The following TMPRSS15 variants were observed in gnomAD, a reference collection of about 807,000 sequenced individuals.
TMPRSS15 encodes the protein enteropeptidase.
TMPRSS15 carries 128 observed loss-of-function variants against 125.3 expected under a neutral mutation model. The ratio of observed to expected loss-of-function variants is 1.02; its 90% CI spans 0.89 to 1.18. The LOEUF (loss-of-function observed/expected upper bound fraction) is 1.18. TMPRSS15 is among the 50% of genes most tolerant of loss of function. The probability of loss-of-function intolerance (pLI) is 0.00; values close to 1 mark genes in which losing one functional copy is unlikely to be tolerated. For missense variants in TMPRSS15, 1,283 were observed against 1,212.7 expected (o/e 1.06, Z -0.86); for synonymous variants, 446 against 423.2 (o/e 1.05, Z -0.66).
chr21:18,294,471 T>C, intron 20 of TMPRSS15, 27 bp from the exon 21 acceptor site: 1 of 1,613,958 alleles, frequency 6.2e-7, no homozygotes, highest in Non-Finnish European at 8.5e-7. Context: ...AGAAAGAGCA[T>C]CTATTTCATT....
In TMPRSS15 at chr21:18,279,019, AAC is replaced by A. The variant is rs780802518; in HGVS notation, c.2707_2708del (p.Val903PhefsTer29). 57 of 1,605,266 alleles carry A rather than the reference AAC, an allele frequency of 3.6e-5. No individual in the cohort carries two copies. Among genetic ancestry groups the A allele is most frequent in the Non-Finnish European group, 4.9e-5 (57 of 1,174,274 alleles). ...QPICLPEENQ[V>X]FPPGRNCSIA... Reference sequence around the variant, plus strand: ...TAGAACAATTTCTTCCTGGAGGAAAAACTTGATTTTCTTCCGGTAAACAAATA... The same window carrying A: ...TAGAACAATTTCTTCCTGGAGGAAAATTGATTTTCTTCCGGTAAACAAATA... On this transcript the variant is annotated frameshift_variant, in exon 23 of 25. Coordinates refer to ENST00000284885, the MANE Select transcript of TMPRSS15 (RefSeq NM_002772.3). LOFTEE classifies it high-confidence loss of function.
intron 5 of TMPRSS15, among the ~76,000 whole-genome samples, chr21:18,376,345 T>C (rs2075843169): frequency 6.6e-6 from 1 of 152,140 alleles, no homozygotes. Flanking sequence ...AATATATAAA[T>C]ATTCTTTTCT....
intron 24 of TMPRSS15, 40 bp from the exon 25 acceptor site, chr21:18,270,164 T>G: frequency 6.5e-7 from 1 of 1,546,204 alleles, no homozygotes. Flanking sequence ...AGATATGTGG[T>G]CAATTGATCG....
At chr21:18,387,612 T>TACACACACAC (rs57708622) in intron 3 of TMPRSS15, among the ~76,000 whole-genome samples, 2 of 145,148 alleles carry the variant, frequency 1.4e-5, no homozygotes, top group African/African-American at 5.1e-5. Flanking sequence ...CACACACACA[T>TACACACACAC]ACACACACAC....
chr21:18,288,528 CTTTTTTTTTT>C (rs149147539), intron 21 of TMPRSS15, among the ~76,000 whole-genome samples: 3 of 96,936 alleles, frequency 3.1e-5, no homozygotes, highest in African/African-American at 4.0e-5. Context: ...AATGCTCTTC[CTTTTTTTTTT>C]TTTTTTTTTT....
intron 8 of TMPRSS15, among the ~76,000 whole-genome samples, chr21:18,358,993 G>C (rs1601386798): frequency 1.3e-5 from 2 of 152,076 alleles, no homozygotes; most frequent in Middle Eastern, 3.4e-3. Context: ...CTTAGCTCTA[G>C]AACAGTTAAC....
At position 18,411,061 on chromosome 21, in the gene TMPRSS15, A is replaced by G. The variant is rs1268327386; in HGVS notation, c.11-12732T>C. 2.6e-5 allele frequency among the ~76,000 whole-genome samples: 4 copies of G among 152,162 alleles called. No individual in the cohort carries two copies. The East Asian group carries it at 7.7e-4, about 29-fold the overall frequency. On this transcript the variant is annotated intron_variant, in intron 1 of 7. Transcript: ENST00000422787. ...CAAGAAAACTGAAAATTCACAAACT[A>G]AAAATGCTTTAAATTAATAATAATC...
At chr21:18,279,194 G>T in intron 22 of TMPRSS15, 135 bp from the exon 23 acceptor site, 1 of 572,070 alleles carries the variant, frequency 1.7e-6, no homozygotes, top group South Asian at 1.9e-5. Context: ...AATCCTACCT[G>T]TAAAAATTTT....
At chr21:18,413,149 G>A (rs1365730810) in intron 1 of TMPRSS15, among the ~76,000 whole-genome samples, 2 of 152,012 alleles carry the variant, frequency 1.3e-5, no homozygotes, top group African/African-American at 4.8e-5. Flanking sequence ...CTATGAGTTT[G>A]AATTAGAAAT....
At chr21:18,452,081 G>A (rs1347768978) in intron 1 of TMPRSS15, among the ~76,000 whole-genome samples, 1 of 152,126 alleles carries the variant, frequency 6.6e-6, no homozygotes, top group Non-Finnish European at 1.5e-5. Context: ...ATGCAGGACT[G>A]AGAAACTACT....
At chr21:18,422,168 T>C (rs904167866) in intron 1 of TMPRSS15, among the ~76,000 whole-genome samples, 2 of 151,988 alleles carry the variant, frequency 1.3e-5, no homozygotes, top group African/African-American at 4.8e-5. Context: ...GTATTGTTAA[T>C]AGAGACTGGG....
intron 1 of TMPRSS15, among the ~76,000 whole-genome samples, chr21:18,463,973 G>A (rs1978603656): frequency 6.6e-6 from 1 of 151,990 alleles, no homozygotes; most frequent in African/African-American, 2.4e-5. Flanking sequence ...AGGAGATGGA[G>A]ACCATCCTGG....
At chr21:18,316,865 G>C (rs1235156381) in intron 16 of TMPRSS15, among the ~76,000 whole-genome samples, 1 of 152,122 alleles carries the variant, frequency 6.6e-6, no homozygotes, top group Non-Finnish European at 1.5e-5. Flanking sequence ...AGGAGGTACA[G>C]TTATGTGCTG....
chr21:18,310,191 A>G (rs1250742286), intron 18 of TMPRSS15, among the ~76,000 whole-genome samples: 2 of 152,214 alleles, frequency 1.3e-5, no homozygotes, highest in African/African-American at 4.8e-5. Context: ...TATTCAGTAT[A>G]ACACTGAAAG....
intron 1 of TMPRSS15, among the ~76,000 whole-genome samples, chr21:18,475,796 A>G (rs547166602): frequency 6.6e-6 from 1 of 152,358 alleles, no homozygotes; most frequent in Non-Finnish European, 1.5e-5. Flanking sequence ...AAGCCCACAT[A>G]GTACAAACAA....
intron 1 of TMPRSS15, among the ~76,000 whole-genome samples, chr21:18,457,551 T>A (rs1222240489): frequency 6.6e-6 from 1 of 152,144 alleles, no homozygotes; most frequent in Admixed American, 6.6e-5. Flanking sequence ...TGCAAAGCGA[T>A]GTATAATGTT....
At chr21:18,451,585 A>G (rs2123256531) in intron 1 of TMPRSS15, among the ~76,000 whole-genome samples, 1 of 152,278 alleles carries the variant, frequency 6.6e-6, no homozygotes, top group Admixed American at 6.5e-5. Flanking sequence ...AGGGCAGAAG[A>G]GCCCTGTGTG....
intron 19 of TMPRSS15, among the ~76,000 whole-genome samples, chr21:18,294,887 C>G (rs749470107): frequency 5.9e-5 from 9 of 152,260 alleles, no homozygotes; most frequent in Non-Finnish European, 1.0e-4. Context: ...TACTCAATAT[C>G]CCTGAGACCC....
chr21:18,272,906 C>T (rs371991091), intron 24 of TMPRSS15, among the ~76,000 whole-genome samples: 1 of 151,974 alleles, frequency 6.6e-6, no homozygotes, highest in Non-Finnish European at 1.5e-5. Context: ...GGGTTGGTGA[C>T]CATTTTTGTT....
Sources: allele counts gnomAD v4.1 joint callset (sites outside exome capture counted in the v4.1 genomes callset), GRCh38; gene constraint gnomAD v4.1.1; transcripts MANE v1.5; gene names NCBI Gene and HGNC (gene_info 2026-07-23, HGNC 2026-07-21).